LPP: variants seen among roughly 807,000 people sequenced by gnomAD.
LPP encodes lipoma-preferred partner.
LPP carries 38 observed loss-of-function variants against 60.4 expected under a neutral mutation model. The observed-to-expected ratio is 0.63, with a 90% CI of 0.49 to 0.83. The LOEUF is 0.83. LPP is among the 40% of genes least tolerant of loss of function. LPP has a pLI of 0.00. For missense variants in LPP, 902 were observed against 783.6 expected (o/e 1.15, Z -1.80); for synonymous variants, 328 against 290.8 (o/e 1.13, Z -1.30).
chr3:188,753,932 G>C (rs2150365132), intron 8 of LPP, among the ~76,000 whole-genome samples: 2 of 152,204 alleles, frequency 1.3e-5, no homozygotes, highest in East Asian at 1.9e-4. Flanking sequence ...AACTACATGT[G>C]TCCTACAGTC....
At chr3:188,340,734 A>T (rs1490111339) in intron 2 of LPP, among the ~76,000 whole-genome samples, 2 of 152,124 alleles carry the variant, frequency 1.3e-5, no homozygotes, top group Non-Finnish European at 2.9e-5. Flanking sequence ...TTAAAATCTT[A>T]AAAGTTTTTG....
At chr3:188,254,005 A>G (rs1047078856) in intron 2 of LPP, among the ~76,000 whole-genome samples, 1 of 152,180 alleles carries the variant, frequency 6.6e-6, no homozygotes, top group African/African-American at 2.4e-5. Context: ...TTGCAAGTAA[A>G]GTGCTACCTG....
intron 9 of LPP, among the ~76,000 whole-genome samples, chr3:188,848,964 C>CAAAAA (rs58073326): frequency 8.4e-6 from 1 of 119,526 alleles, no homozygotes. Flanking sequence ...GACTCTGTCT[C>CAAAAA]AAAAAAAAAA....
At chr3:188,603,350 GT>G (rs11308827) in intron 6 of LPP, among the ~76,000 whole-genome samples, 80,570 of 147,986 alleles carry the variant, frequency 0.54, 21,932 homozygotes, top group African/African-American at 0.6. Flanking sequence ...GAATTTTGTG[GT>G]TTTTTTTTTT....
At chr3:188,262,579 C>T (rs1734030300) in intron 2 of LPP, among the ~76,000 whole-genome samples, 1 of 152,042 alleles carries the variant, frequency 6.6e-6, no homozygotes, top group African/African-American at 2.4e-5. Context: ...ATAAACTTAT[C>T]TCACCCCAAA....
chr3:188,787,595 A>G (rs1037738506), intron 9 of LPP, among the ~76,000 whole-genome samples: 4 of 152,140 alleles, frequency 2.6e-5, no homozygotes, highest in Non-Finnish European at 4.4e-5. Flanking sequence ...AGTCCTTATC[A>G]TTCTTGAGCT....
intron 7 of LPP, among the ~76,000 whole-genome samples, chr3:188,700,360 CAG>C (rs1243711011): frequency 6.6e-6 from 1 of 152,112 alleles, no homozygotes; most frequent in Non-Finnish European, 1.5e-5. Flanking sequence ...CAGAGGAACT[CAG>C]GGGGCTGACA....
chr3:188,156,406 T>C (rs1716444045), intron 1 of LPP, among the ~76,000 whole-genome samples: 1 of 152,138 alleles, frequency 6.6e-6, no homozygotes, highest in South Asian at 2.1e-4. Flanking sequence ...AATGCCAGGC[T>C]AAGGAGTTTG....
At chr3:188,864,069 A>C (rs1765970360) in intron 9 of LPP, among the ~76,000 whole-genome samples, 1 of 152,070 alleles carries the variant, frequency 6.6e-6, no homozygotes, top group Non-Finnish European at 1.5e-5. Context: ...ACAGGCCCTC[A>C]TTCTTCAAAC....
chr3:188,501,840 C>T (rs1285403377), intron 5 of LPP, among the ~76,000 whole-genome samples: 5 of 151,794 alleles, frequency 3.3e-5, no homozygotes, highest in Non-Finnish European at 5.9e-5. Flanking sequence ...TCGCTTGAAC[C>T]CAGGAAGCAG....
chr3:188,470,627 C>G (rs1455317956), intron 4 of LPP, among the ~76,000 whole-genome samples: 1 of 152,054 alleles, frequency 6.6e-6, no homozygotes, highest in Non-Finnish European at 1.5e-5. Context: ...TCTAAAGTTA[C>G]TATAGAGGGC....
At chr3:188,805,458 G>A (rs1295840872) in intron 9 of LPP, among the ~76,000 whole-genome samples, 1 of 151,512 alleles carries the variant, frequency 6.6e-6, no homozygotes, top group South Asian at 2.1e-4. Context: ...TCTCATTCAT[G>A]ATATTTATAA....
In LPP at chr3:188,609,934, G is replaced by A. The variant is rs762696972; in HGVS notation, c.1113+90G>A. ...GAAGCGAAGCCTAAGGCAAAAGTGT[G>A]TGTGTTACTTTTATTTCACTGACAA... is the stretch of plus-strand genomic sequence containing the variant. On this transcript the variant is annotated intron_variant, in intron 7 of 11. Transcript: ENST00000617246. This position sits in a 1 kb window ranked among gnomAD's most constrained non-coding sequence, Gnocchi z 6.9. 5.6e-6 allele frequency: 7 copies of A among 1,249,456 alleles called. No individual in the cohort carries two copies. Among genetic ancestry groups the A allele is most frequent in the Non-Finnish European group, 7.8e-6 (7 of 898,536 alleles). The allele number at this position is 1,249,456 out of a possible 1,614,324, so 77.4% of individuals were successfully genotyped here.
chr3:188,330,005 A>G (rs961290918), intron 2 of LPP, among the ~76,000 whole-genome samples: 3 of 152,086 alleles, frequency 2.0e-5, no homozygotes, highest in East Asian at 1.9e-4. Flanking sequence ...ATTATTCTCT[A>G]TTAAAGTTTC....
intron 2 of LPP, chr3:188,239,782 T>C (rs1723230625): frequency 4.6e-6 from 1 of 216,306 alleles, no homozygotes; most frequent in Non-Finnish European, 9.3e-6. Flanking sequence ...CTATTAGTAT[T>C]GATTGCGCAA....
intron 1 of LPP, among the ~76,000 whole-genome samples, chr3:188,199,133 C>T (rs2149069565): frequency 6.6e-6 from 1 of 152,288 alleles, no homozygotes. Context: ...AGAATATCTA[C>T]ATGTGGTCTT....
At position 188,732,696 on chromosome 3, in the gene LPP, C is replaced by T. The variant is rs116699243; in HGVS notation, c.1240+24303C>T. ...TCACACCACTGTGTTCCAGCCCTAG[C>T]GACAGAGTGAGACTCTTATCAAAAA... On this transcript the variant is annotated intron_variant, in intron 8 of 11. Transcript: ENST00000617246. Among the ~76,000 whole-genome samples, 888 of 120,724 alleles carry T rather than the reference C, an allele frequency of 7.4e-3. 14 individuals are homozygous for T. The highest frequency in any genetic ancestry group is 0.028 in the African/African-American group (849 of 30,668). The allele number at this position is 120,724 out of a possible 152,430, so 79.2% of individuals were successfully genotyped here.
chr3:188,232,978 A>G (rs1720624249), intron 2 of LPP, among the ~76,000 whole-genome samples: 2 of 152,144 alleles, frequency 1.3e-5, no homozygotes, highest in African/African-American at 2.4e-5. Context: ...TGATCACCTT[A>G]AGAGTCCATA....
chr3:188,651,660 C>A (rs1852113439), intron 7 of LPP, among the ~76,000 whole-genome samples: 1 of 152,104 alleles, frequency 6.6e-6, no homozygotes, highest in Admixed American at 6.6e-5. Context: ...TGGCAACAGA[C>A]AAGAGAAGAG....
Sources: gnomAD v4.1 joint callset for allele counts (sites outside exome capture counted in the v4.1 genomes callset) on GRCh38, gnomAD v4.1.1 for gene constraint, Gnocchi (gnomAD v3.1) non-coding constraint, MANE v1.5 for transcripts, NCBI Gene and HGNC (gene_info 2026-07-23, HGNC 2026-07-21) for gene names.